Variants in WNT4 observed in about 807,000 individuals in gnomAD.
WNT4 encodes the protein protein Wnt-4.
In WNT4, 16 loss-of-function variants were observed where a neutral mutation model predicts 34.5. The observed-to-expected ratio is 0.46, with a 90% CI of 0.31 to 0.70. The LOEUF is 0.70. Ranked by LOEUF, WNT4 falls within the 30% of genes least tolerant of loss-of-function variation. The pLI is 0.04. For missense variants in WNT4, 379 were observed against 495.9 expected, an observed-to-expected ratio of 0.76 and a Z score of 2.24; for synonymous variants, 200 against 211.9, an observed-to-expected ratio of 0.94 and a Z score of 0.49.
rs1351251150 is a variant in WNT4 at position 22,140,754 on chromosome 1, G to A, written c.77+2092C>T. ...CCTCTTGCCTTGGGTGGAGCAGAGA[G>A]ACCCTTGGCTTGAAGCCGGGGGTGG... is the stretch of plus-strand genomic sequence containing the variant. On this transcript the variant is annotated intron_variant, in intron 1 of 4. Transcript: ENST00000290167. The surrounding 1 kb of genome is among the most constrained non-coding windows in gnomAD (Gnocchi z 5.9). Among the ~76,000 whole-genome samples, 4 of 152,246 alleles carry A rather than the reference G, an allele frequency of 2.6e-5. No individual in the cohort carries two copies. Among genetic ancestry groups the A allele is most frequent in the African/African-American group, 9.6e-5 (4 of 41,462 alleles).
At chr1:22,126,578 A>G (rs1300759615) in intron 2 of WNT4, among the ~76,000 whole-genome samples, 1 of 152,148 alleles carries the variant, frequency 6.6e-6, no homozygotes, top group African/African-American at 2.4e-5. Flanking sequence ...GCCCTCAGCA[A>G]ATGGGGGCTC....
intron 2 of WNT4, among the ~76,000 whole-genome samples, chr1:22,121,789 TTC>T: frequency 6.6e-6 from 1 of 152,214 alleles, no homozygotes; most frequent in Non-Finnish European, 1.5e-5. Context: ...CTTAGGGCTT[TTC>T]AAACGTGCAG....
rs1646027807 is a variant in WNT4 at position 22,137,080 on chromosome 1, A to G, written c.77+5766T>C. On this transcript the variant is annotated intron_variant, in intron 1 of 4. Coordinates refer to ENST00000290167, the MANE Select transcript of WNT4 (RefSeq NM_030761.5). The surrounding 1 kb of genome is among the most constrained non-coding windows in gnomAD (Gnocchi z 5.3). The stretch of plus-strand genomic sequence containing the variant: ...TTCTAATGGGCCTCTCCAAAGATAC[A>G]TGTGAGCTGTCCGAGGCTCCTCTCC... Among the ~76,000 whole-genome samples the G allele has an allele frequency of 6.6e-6, 1 of 152,078 alleles. No homozygotes were observed. Among genetic ancestry groups the G allele is most frequent in the Non-Finnish European group, 1.5e-5 (1 of 68,002 alleles).
At chr1:22,127,777 C>T (rs1003788068) in intron 2 of WNT4, among the ~76,000 whole-genome samples, 11 of 152,160 alleles carry the variant, frequency 7.2e-5, no homozygotes, top group Non-Finnish European at 1.6e-4. Flanking sequence ...TTAAAAAAAT[C>T]CCACAGCAAG....
rs775558075 is a variant in WNT4, at chr1:22,121,190, TG to T, written c.588+20del. ...CATGCTATCCCTACCCCGCTCTTGGTGGGGGGTAGTGCCACACTACCTTCCT... is the reference window on the plus strand; with the variant it reads ...CATGCTATCCCTACCCCGCTCTTGGTGGGGGTAGTGCCACACTACCTTCCT... On this transcript the variant is annotated intron_variant, in intron 4 of 4. Transcript: ENST00000290167. 6.8e-6 allele frequency: 11 copies of T among 1,613,012 alleles called. No homozygotes were observed. The highest frequency in any genetic ancestry group is 2.2e-5 in the East Asian group (1 of 44,812).
chr1:22,130,146 C>A (rs1227431028), intron 1 of WNT4, among the ~76,000 whole-genome samples: 2 of 152,194 alleles, frequency 1.3e-5, no homozygotes, highest in Non-Finnish European at 2.9e-5. Context: ...CCCTGGCAGC[C>A]CCCGTGCCAC....
chr1:22,135,926 C>T (rs1378961124), intron 1 of WNT4, among the ~76,000 whole-genome samples: 2 of 152,156 alleles, frequency 1.3e-5, no homozygotes, highest in Admixed American at 1.3e-4. Flanking sequence ...TCCTGGGACC[C>T]CTCGCTCCCA....
intron 2 of WNT4, among the ~76,000 whole-genome samples, chr1:22,123,229 G>A (rs1437119499): frequency 1.3e-5 from 2 of 152,062 alleles, no homozygotes; most frequent in African/African-American, 2.4e-5. Context: ...CTGGCCTCGC[G>A]TGGTCCTTCC....
At chr1:22,136,717 T>C (rs936253461) in intron 1 of WNT4, among the ~76,000 whole-genome samples, 3 of 152,114 alleles carry the variant, frequency 2.0e-5, no homozygotes, top group African/African-American at 7.2e-5. Context: ...TGCTGTATGG[T>C]CCTAAGTGCC....
chr1:22,120,543 G>T, intron 4 of WNT4, 26 bp from the exon 5 acceptor site: 1 of 1,588,366 alleles, frequency 6.3e-7, no homozygotes, highest in Non-Finnish European at 8.6e-7. Flanking sequence ...GGGGAGAGGG[G>T]CCATCAGGAG....
Position 22,142,859 on chromosome 1 carries a change from C to A in WNT4, c.64G>T (p.Ala22Ser). The A allele has an allele frequency of 8.2e-7, 1 of 1,212,256 alleles. No homozygotes were observed. The allele number at this position is 1,212,256 out of a possible 1,614,324, so 75.1% of individuals were successfully genotyped here. A position where few individuals can be genotyped will look rare whatever the true frequency, so the allele number is the denominator to read the frequency against. Residue 22 changes from alanine (A) to serine (S), a missense_variant, in exon 1 of 5, where the codon GCG becomes TCG. Coordinates refer to ENST00000290167, the MANE Select transcript of WNT4 (RefSeq NM_030761.5). This position sits in a 1 kb window ranked among gnomAD's most constrained non-coding sequence, Gnocchi z 6.0. ...LLVFAVFSAA[A>S]SNWLYLAKLS... ...GGCCAGACTTACAGCCAGTTGCTCG[C>A]GGCGGCTGAGAAGACGGCGAAGACG...
chr1:22,136,030 C>T (rs147362625), intron 1 of WNT4, among the ~76,000 whole-genome samples: 20 of 152,326 alleles, frequency 1.3e-4, no homozygotes, highest in African/African-American at 4.1e-4. Context: ...TAGCCCCCTA[C>T]ATTTCACTCC....
chr1:22,119,910 T>A lies in WNT4; in HGVS notation c.*140A>T. ...GGGGTTGCCTGCCTGGTTTCGGCAA[T>A]AAATAACATGAGGACCCAAAAACCA... On this transcript the variant is annotated 3_prime_UTR_variant, in exon 5 of 5. Transcript: ENST00000290167. 3 of 1,110,640 alleles carry A rather than the reference T, an allele frequency of 2.7e-6. No homozygotes were observed. In the South Asian group the frequency reaches 4.6e-5, roughly 17 times the overall value. 68.8% of individuals were successfully genotyped at this position (1,110,640 alleles called of 1,614,324 possible). A position where few individuals can be genotyped will look rare whatever the true frequency, so the allele number is the denominator to read the frequency against.
chr1:22,119,921 A>G lies in WNT4; in HGVS notation c.*129T>C. On this transcript the variant is annotated 3_prime_UTR_variant, in exon 5 of 5. Transcript: ENST00000290167. ...CCTGGTTTCGGCAATAAATAACATG[A>G]GGACCCAAAAACCAAACCAGAACAA... 1 of 1,181,224 alleles carries G rather than the reference A, an allele frequency of 8.5e-7. No individual in the cohort carries two copies. The highest frequency in any genetic ancestry group is 1.2e-6 in the Non-Finnish European group (1 of 843,066). The allele number at this position is 1,181,224 out of a possible 1,614,324, so 73.2% of individuals were successfully genotyped here. A position where few individuals can be genotyped will look rare whatever the true frequency, so the allele number is the denominator to read the frequency against.
intron 1 of WNT4, among the ~76,000 whole-genome samples, chr1:22,141,275 T>G (rs996315078): frequency 6.6e-6 from 1 of 152,210 alleles, no homozygotes; most frequent in African/African-American, 2.4e-5. Flanking sequence ...TTGTTTTTTG[T>G]TTGTTTGTTT....
In WNT4 at chr1:22,129,814, C is replaced by G. The variant is rs1645969211; in HGVS notation, c.115G>C (p.Glu39Gln). Residue 39 changes from glutamate (E) to glutamine (Q), a missense_variant, in exon 2 of 5, where the codon GAG (glutamate) becomes CAG (glutamine). Physicochemically the swap from Glu to Gln is conservative, Grantham distance 29 (BLOSUM62 2). This residue lies in a region of WNT4 where 66 missense variants were observed against 50.1 expected (regional missense o/e 1.32). Coordinates refer to ENST00000290167, the MANE Select transcript of WNT4 (RefSeq NM_030761.5). ...AKLSSVGSIS[E>Q]EETCEKLKGL... Reference sequence around the variant, plus strand: ...TTGAGTTTCTCGCACGTCTCCTCCTCTGAGATGCTCCCCACCGACGACAGC... The same window carrying G: ...TTGAGTTTCTCGCACGTCTCCTCCTGTGAGATGCTCCCCACCGACGACAGC... 1 of 1,613,896 alleles carries G rather than the reference C, an allele frequency of 6.2e-7. No homozygotes were observed. Among genetic ancestry groups the G allele is most frequent in the Admixed American group, 1.7e-5 (1 of 60,010 alleles).
At chr1:22,124,602 G>A (rs895138399) in intron 2 of WNT4, among the ~76,000 whole-genome samples, 9 of 152,368 alleles carry the variant, frequency 5.9e-5, no homozygotes, top group African/African-American at 1.7e-4. Context: ...GGAAGAAAAG[G>A]TGAGGCTTGG....
In WNT4 at chr1:22,133,835, G is replaced by A. The variant is rs943488733; in HGVS notation, c.78-3984C>T. Among the ~76,000 whole-genome samples, 18 of 152,342 alleles carry A rather than the reference G, an allele frequency of 1.2e-4. 1 individual carries two copies. In the East Asian group the frequency reaches 1.3e-3, roughly 11 times the overall value. ...AGGAGGCCCTCCCCGAGCCCGGCCC[G>A]TGCCTACAGCCTGCGAGGCTGGAGG... On this transcript the variant is annotated intron_variant, in intron 1 of 4. Transcript: ENST00000290167.
At position 22,142,855 on chromosome 1, in the gene WNT4, C is replaced by T; in HGVS notation, c.68G>A (p.Ser23Asn). Residue 23 changes from serine to asparagine, a missense_variant, in exon 1 of 5, where the codon AGC becomes AAC. By Grantham distance (46) the Ser-to-Asn change is conservative. Coordinates refer to ENST00000290167, the MANE Select transcript of WNT4 (RefSeq NM_030761.5). The surrounding 1 kb of genome is among the most constrained non-coding windows in gnomAD (Gnocchi z 6.0). ...LVFAVFSAAA[S>N]NWLYLAKLSS... ...CCCCGGCCAGACTTACAGCCAGTTG[C>T]TCGCGGCGGCTGAGAAGACGGCGAA... 4 of 1,211,938 alleles carry T rather than the reference C, an allele frequency of 3.3e-6. No individual in the cohort carries two copies. Among genetic ancestry groups the T allele is most frequent in the Non-Finnish European group, 3.2e-6 (3 of 947,164 alleles). The allele number at this position is 1,211,938 out of a possible 1,614,324, so 75.1% of individuals were successfully genotyped here.
Sources: gnomAD v4.1 joint callset for allele counts (sites outside exome capture counted in the v4.1 genomes callset) on GRCh38, gnomAD v4.1.1 for gene constraint, gnomAD v4.1.1 regional missense constraint, Gnocchi (gnomAD v3.1) non-coding constraint, MANE v1.5 for transcripts, NCBI Gene and HGNC (gene_info 2026-07-23, HGNC 2026-07-21) for gene names.